The following CHRM3 variants were observed in gnomAD, a reference collection of about 807,000 sequenced individuals.
CHRM3 encodes the protein muscarinic acetylcholine receptor M3.
CHRM3 carries 11 observed loss-of-function variants against 41.8 expected under a neutral mutation model. The observed-to-expected ratio is 0.26, with a 90% confidence interval of 0.17 to 0.44. CHRM3 has a LOEUF of 0.44. CHRM3 is among the 20% of genes least tolerant of loss of function. The pLI, the probability that CHRM3 is intolerant of heterozygous loss-of-function variation, is 1.00. For synonymous variants in CHRM3, 297 were observed against 301.4 expected, an observed-to-expected ratio of 0.99 and a Z score of 0.15; for missense variants, 571 against 745.4, an observed-to-expected ratio of 0.77 and a Z score of 2.72.
At chr1:239,602,086 A>ACATATATGCACACATATG (rs1665619321) in intron 3 of CHRM3, among the ~76,000 whole-genome samples, 2 of 34,300 alleles carry the variant, frequency 5.8e-5, no homozygotes, top group Non-Finnish European at 1.8e-4. Context: ...ACATACATAT[A>ACATATATGCACACATATG]TACATGTGTG....
intron 5 of CHRM3, among the ~76,000 whole-genome samples, chr1:239,737,939 A>G (rs1409398908): frequency 2.6e-5 from 4 of 152,196 alleles, no homozygotes; most frequent in South Asian, 2.1e-4. Context: ...GGCAGAAAAT[A>G]TGATTGACTA....
intron 2 of CHRM3, among the ~76,000 whole-genome samples, chr1:239,535,922 G>A (rs1164471335): frequency 6.6e-6 from 1 of 152,152 alleles, no homozygotes; most frequent in Non-Finnish European, 1.5e-5. Context: ...AGGCAGCCCG[G>A]TCTGGAATGG....
At chr1:239,568,032 C>G (rs1415599867) in intron 3 of CHRM3, among the ~76,000 whole-genome samples, 2 of 152,124 alleles carry the variant, frequency 1.3e-5, no homozygotes, top group Non-Finnish European at 1.5e-5. Flanking sequence ...CACTTCAGAG[C>G]CTGTTTCCAC....
chr1:239,405,144 T>C (rs1439785088), intron 1 of CHRM3, among the ~76,000 whole-genome samples: 3 of 152,128 alleles, frequency 2.0e-5, no homozygotes, highest in African/African-American at 7.2e-5. Flanking sequence ...CAACTAATAC[T>C]TTTTCATGAA....
At chr1:239,850,836 T>C (rs1240676584) in intron 6 of CHRM3, among the ~76,000 whole-genome samples, 1 of 152,200 alleles carries the variant, frequency 6.6e-6, no homozygotes, top group Non-Finnish European at 1.5e-5. Context: ...GTAAGTTTCC[T>C]GAGGCCTTCC....
chr1:239,803,891 G>T lies in CHRM3; in HGVS notation c.-146-23361G>T, dbSNP rs551010715. 6.6e-5 allele frequency among the ~76,000 whole-genome samples: 10 copies of T among 152,344 alleles called. No homozygotes were observed. In the East Asian group the frequency reaches 1.5e-3, roughly 24 times the overall value. Reference sequence around the variant, plus strand: ...GATCCCGGTAACTGCAGTAAGTCGTGATAGCACGTTTGTCTGAATTTAACT... The same window carrying T: ...GATCCCGGTAACTGCAGTAAGTCGTTATAGCACGTTTGTCTGAATTTAACT... On this transcript the variant is annotated intron_variant, in intron 5 of 6. Transcript: ENST00000676153.
At chr1:239,868,946 TAAGCCTCAAGGTCAAGGTCCTTA>T (rs1390517277) in intron 6 of CHRM3, among the ~76,000 whole-genome samples, 2 of 152,322 alleles carry the variant, frequency 1.3e-5, no homozygotes, top group East Asian at 3.9e-4. Flanking sequence ...AATAGCTTTT[TAAGCCTCAAGGTCAAGGTCCTTA>T]CAAGGAGAGC....
At chr1:239,526,850 A>G (rs1418885294) in intron 2 of CHRM3, among the ~76,000 whole-genome samples, 1 of 152,178 alleles carries the variant, frequency 6.6e-6, no homozygotes, top group Non-Finnish European at 1.5e-5. Context: ...GGCTGGGTGC[A>G]GTGGCTCACC....
rs1203823984 is a variant in CHRM3, at chr1:239,887,588, G to A, written c.-19-19845G>A. Among the ~76,000 whole-genome samples the A allele has an allele frequency of 3.3e-5, 5 of 152,212 alleles. No homozygotes were observed. The East Asian group carries it at 9.6e-4, about 29-fold the overall frequency. On this transcript the variant is annotated intron_variant, in intron 6 of 6. Transcript: ENST00000676153. Reference sequence around the variant, plus strand: ...GATTTGTTGGAATAAGTTACACCTGGGCAAGTTGAATTTCCTTTTTCATAG... The same window carrying A: ...GATTTGTTGGAATAAGTTACACCTGAGCAAGTTGAATTTCCTTTTTCATAG...
At chr1:239,774,564 T>G (rs1426584090) in intron 5 of CHRM3, among the ~76,000 whole-genome samples, 8 of 152,112 alleles carry the variant, frequency 5.3e-5, no homozygotes, top group Non-Finnish European at 1.2e-4. Flanking sequence ...CAAATAAAAT[T>G]TTTTGCTCAT....
chr1:239,461,181 T>C (rs568352555), intron 1 of CHRM3, among the ~76,000 whole-genome samples: 1 of 152,310 alleles, frequency 6.6e-6, no homozygotes, highest in African/African-American at 2.4e-5. Context: ...AGTCTAGATA[T>C]CATGTGCCAA....
At chr1:239,543,204 A>G (rs1438089413) in intron 2 of CHRM3, among the ~76,000 whole-genome samples, 1 of 152,156 alleles carries the variant, frequency 6.6e-6, no homozygotes, top group Non-Finnish European at 1.5e-5. Flanking sequence ...GAATGACACT[A>G]TCCCGGTGGC....
chr1:239,857,991 T>C (rs1370124362), intron 6 of CHRM3, among the ~76,000 whole-genome samples: 1 of 152,148 alleles, frequency 6.6e-6, no homozygotes, highest in Non-Finnish European at 1.5e-5. Flanking sequence ...TATTGATATA[T>C]ATTATTAATT....
At chr1:239,664,777 A>C (rs1175844696) in intron 4 of CHRM3, among the ~76,000 whole-genome samples, 2 of 152,116 alleles carry the variant, frequency 1.3e-5, no homozygotes, top group African/African-American at 4.8e-5. Context: ...GTAGTGGAGA[A>C]ATCCAGTGCC....
chr1:239,629,281 C>A (rs1217896004), intron 3 of CHRM3: 1 of 122,286 alleles, frequency 8.2e-6, no homozygotes, highest in Non-Finnish European at 1.7e-5. Context: ...GCTTCCGTCA[C>A]CCCTTTCTTT....
chr1:239,617,155 C>A (rs1216789238), intron 3 of CHRM3, among the ~76,000 whole-genome samples: 1 of 152,178 alleles, frequency 6.6e-6, no homozygotes, highest in Non-Finnish European at 1.5e-5. Flanking sequence ...AGAAAATTCA[C>A]AGTCCACATC....
chr1:239,882,949 C>T (rs577839071), intron 6 of CHRM3, among the ~76,000 whole-genome samples: 12 of 152,296 alleles, frequency 7.9e-5, no homozygotes, highest in African/African-American at 2.4e-4. Context: ...GGCGGCTCTT[C>T]GCAGAGAAAG....
At chr1:239,634,679 G>T (rs949109879) in intron 4 of CHRM3, among the ~76,000 whole-genome samples, 1 of 151,340 alleles carries the variant, frequency 6.6e-6, no homozygotes, top group Non-Finnish European at 1.5e-5. Flanking sequence ...TTGTTGACTT[G>T]GTTCAGAAAA....
At chr1:239,849,887 C>G (rs563236062) in intron 6 of CHRM3, among the ~76,000 whole-genome samples, 1 of 152,250 alleles carries the variant, frequency 6.6e-6, no homozygotes, top group African/African-American at 2.4e-5. Context: ...CTATTAGTAA[C>G]AGATAAAACG....
Sources: allele counts gnomAD v4.1 joint callset (sites outside exome capture counted in the v4.1 genomes callset), GRCh38; gene constraint gnomAD v4.1.1; transcripts MANE v1.5; gene names NCBI Gene and HGNC (gene_info 2026-07-23, HGNC 2026-07-21).